OR4P4: variants seen among roughly 807,000 people sequenced by gnomAD.
OR4P4 encodes olfactory receptor 4P4.
A neutral mutation model predicts 2.1 loss-of-function variants in OR4P4; 1 was observed. The ratio of observed to expected loss-of-function variants is 0.47; its 90% CI spans 0.17 to 2.21. OR4P4 has a LOEUF of 2.21. Ranked by LOEUF, OR4P4 falls within the 30% of genes most tolerant of loss-of-function variation. OR4P4 has a pLI of 0.27. For synonymous variants in OR4P4, 129 were observed against 133.2 expected, an observed-to-expected ratio of 0.97 and a Z score of 0.22; for missense variants, 375 against 376.5, an observed-to-expected ratio of 1.00 and a Z score of 0.03.
chr11:55,638,386 T>G, exon 2 of OR4P4: 2 of 1,425,128 alleles, frequency 1.4e-6, no homozygotes, highest in Non-Finnish European at 1.9e-6. Context: ...AGCACTTTGT[T>G]TATTCTCTTG....
intron 1 of OR4P4, among the ~76,000 whole-genome samples, chr11:55,637,919 A>T (rs1232184407): frequency 7.2e-6 from 1 of 138,622 alleles, no homozygotes; most frequent in African/African-American, 2.5e-5. Context: ...TTTCTACATT[A>T]TTTAAAAAAT....
chr11:55,637,108 C>A (rs1224349236), intron 1 of OR4P4, among the ~76,000 whole-genome samples: 2 of 137,764 alleles, frequency 1.5e-5, no homozygotes, highest in African/African-American at 5.0e-5. Context: ...GCTGACAAAA[C>A]CAAGACAACA....
At chr11:55,637,325 TAAG>T (rs1455830878) in intron 1 of OR4P4, among the ~76,000 whole-genome samples, 1 of 138,462 alleles carries the variant, frequency 7.2e-6, no homozygotes, top group Non-Finnish European at 1.6e-5. Context: ...TGGAAATGTA[TAAG>T]AAGCAATTTT....
rs746906978 is a variant in OR4P4, at chr11:55,639,146, C to A, written c.789C>A (p.Phe263Leu). The stretch of plus-strand genomic sequence containing the variant: ...TTTACATTAGACCGGTCACAACATT[C>A]TCAGAAGATAAAGTGTTTGCCCTTT... Residue 263 changes from phenylalanine (F) to leucine (L), a missense_variant, in exon 2 of 2, where the codon TTC (phenylalanine) becomes TTA (leucine). By Grantham distance (22) the Phe-to-Leu change is conservative. Transcript: ENST00000641760. 6.0e-6 allele frequency: 9 copies of A among 1,493,674 alleles called. 3 individuals are homozygous for A. Among genetic ancestry groups the A allele is most frequent in the Non-Finnish European group, 6.4e-6 (7 of 1,097,936 alleles). 92.5% of individuals were successfully genotyped at this position (1,493,674 alleles called of 1,614,324 possible).
In OR4P4 at chr11:55,636,256, G is replaced by A. The variant is rs547619792; in HGVS notation, c.-31+1040G>A. ...ATGCAGTATTGCTATTCATGTTTGGGAGAACAAAATATATCTTGCTTCCTG... is the reference window on the plus strand; with the variant it reads ...ATGCAGTATTGCTATTCATGTTTGGAAGAACAAAATATATCTTGCTTCCTG... On this transcript the variant is annotated intron_variant, in intron 1 of 1. Transcript: ENST00000641760. 5.1e-5 allele frequency among the ~76,000 whole-genome samples: 7 copies of A among 137,696 alleles called. No homozygotes were observed. In the South Asian group the frequency reaches 1.7e-3, roughly 33 times the overall value. The allele number at this position is 137,696 out of a possible 152,430, so 90.3% of individuals were successfully genotyped here.
At chr11:55,638,886 T>C (rs1378150656) in exon 2 of OR4P4, 1 of 1,493,894 alleles carries the variant, frequency 6.7e-7, no homozygotes. Flanking sequence ...TCACTACTTC[T>C]GTGATGTGTA....
rs1456096451 is a variant in OR4P4, at chr11:55,635,424, C to T, written c.-31+208C>T. On this transcript the variant is annotated intron_variant, in intron 1 of 1. Transcript: ENST00000641760. ...AAAACAAGGCAAGTACTCCTCTTGC[C>T]TTCAAACTTTTTTTTATGGGGTGGC... Among the ~76,000 whole-genome samples the T allele has an allele frequency of 2.9e-5, 4 of 137,474 alleles. 1 individual carries two copies. The highest frequency in any genetic ancestry group is 6.5e-5 in the Non-Finnish European group (4 of 61,568). 90.2% of individuals were successfully genotyped at this position (137,474 alleles called of 152,430 possible). A position where few individuals can be genotyped will look rare whatever the true frequency, so the allele number is the denominator to read the frequency against.
exon 2 of OR4P4, chr11:55,639,133 C>G: frequency 6.7e-7 from 1 of 1,493,310 alleles, no homozygotes; most frequent in Non-Finnish European, 9.1e-7. Context: ...TACATTAGAC[C>G]GGTCACAACA....
rs1378959184 is a variant in OR4P4 at position 55,636,021 on chromosome 11, G to C, written c.-31+805G>C. Among the ~76,000 whole-genome samples the C allele has an allele frequency of 2.9e-5, 4 of 137,888 alleles. 1 individual carries two copies. The East Asian group carries it at 9.5e-4, about 33-fold the overall frequency. 90.5% of individuals were successfully genotyped at this position (137,888 alleles called of 152,430 possible). Reference sequence around the variant, plus strand: ...ATGCTGTTACAACTCTTGAGAGATAGCCTGAAAAACTTTGACAAAAAAGAA... The same window carrying C: ...ATGCTGTTACAACTCTTGAGAGATACCCTGAAAAACTTTGACAAAAAAGAA... On this transcript the variant is annotated intron_variant, in intron 1 of 1. Coordinates refer to ENST00000641760, the Ensembl canonical transcript of OR4P4.
exon 2 of OR4P4, chr11:55,638,505 A>C: frequency 6.7e-7 from 1 of 1,485,468 alleles, no homozygotes. Flanking sequence ...TATCACGTGC[A>C]CCCAGCTCAT....
chr11:55,638,791 T>C, exon 2 of OR4P4: 1 of 1,491,806 alleles, frequency 6.7e-7, no homozygotes, highest in African/African-American at 1.4e-5. Context: ...ATCATCATAG[T>C]TTGTTGTACT....
At chr11:55,636,121 G>A (rs930706123) in intron 1 of OR4P4, among the ~76,000 whole-genome samples, 1 of 137,580 alleles carries the variant, frequency 7.3e-6, no homozygotes, top group African/African-American at 2.5e-5. Context: ...TTGCAGAAAG[G>A]AAACATATGC....
chr11:55,636,696 AT>A (rs1436191223), intron 1 of OR4P4, among the ~76,000 whole-genome samples: 1 of 137,186 alleles, frequency 7.3e-6, no homozygotes, highest in Non-Finnish European at 1.6e-5. Context: ...TCCTAATGTA[AT>A]TTTCATGTGT....
exon 2 of OR4P4, chr11:55,638,758 T>G: frequency 6.7e-7 from 1 of 1,492,878 alleles, no homozygotes; most frequent in East Asian, 2.6e-5. Flanking sequence ...ACCATTATTA[T>G]GAGCAGGCAA....
chr11:55,639,215 G>A lies in OR4P4; in HGVS notation c.858G>A (p.Thr286=), dbSNP rs754463437. ...CCATGTTCAACCCTCTCATATACAC[G>A]CTGAGAAACACAGAGATGAAGAACG... The change falls in exon 2 of 2, where the codon ACG becomes ACA. Residue 286 remains threonine (T), a synonymous_variant. Coordinates refer to ENST00000641760, the Ensembl canonical transcript of OR4P4. 2.4e-5 allele frequency: 35 copies of A among 1,487,816 alleles called. 8 individuals carry two copies. The South Asian group carries it at 2.6e-4, about 11-fold the overall frequency. The allele number at this position is 1,487,816 out of a possible 1,614,324, so 92.2% of individuals were successfully genotyped here.
intron 1 of OR4P4, among the ~76,000 whole-genome samples, chr11:55,636,446 T>C (rs1341995194): frequency 7.2e-6 from 1 of 138,210 alleles, no homozygotes; most frequent in Non-Finnish European, 1.6e-5. Context: ...AATGGAGCGA[T>C]GACTGAAATT....
chr11:55,635,833 G>A lies in OR4P4; in HGVS notation c.-31+617G>A, dbSNP rs1231884841. 5.1e-5 allele frequency among the ~76,000 whole-genome samples: 7 copies of A among 137,634 alleles called. 2 individuals carry two copies. Among genetic ancestry groups the A allele is most frequent in the South Asian group, 2.4e-4 (1 of 4,212 alleles). 90.3% of individuals were successfully genotyped at this position (137,634 alleles called of 152,430 possible). A position where few individuals can be genotyped will look rare whatever the true frequency, so the allele number is the denominator to read the frequency against. The stretch of plus-strand genomic sequence containing the variant: ...TGCTAATTTTTAAACAAGCTGTACT[G>A]CAAATTCTATAGACTAAGACATTTT... On this transcript the variant is annotated intron_variant, in intron 1 of 1. Transcript: ENST00000641760.
intron 1 of OR4P4, 76 bp downstream of exon 1, chr11:55,635,292 T>A (rs1858375154): frequency 7.3e-6 from 1 of 137,802 alleles, no homozygotes; most frequent in South Asian, 2.3e-4. Flanking sequence ...GAAATAAAAA[T>A]GTAACTTTAG....
chr11:55,637,073 G>A (rs940792837), intron 1 of OR4P4, among the ~76,000 whole-genome samples: 7 of 137,866 alleles, frequency 5.1e-5, no homozygotes, highest in Admixed American at 1.6e-4. Context: ...AAATTGCCAG[G>A]TAGAGAATTT....
Sources: gnomAD v4.1 joint callset for allele counts (sites outside exome capture counted in the v4.1 genomes callset) on GRCh38, gnomAD v4.1.1 for gene constraint, MANE v1.5 for transcripts, NCBI Gene and HGNC (gene_info 2026-07-23, HGNC 2026-07-21) for gene names.